Variants in LGSN observed in about 807,000 individuals in gnomAD.
LGSN encodes lengsin, lens protein with glutamine synthetase domain, also known as lengsin.
In LGSN, 21 loss-of-function variants were observed where a neutral mutation model predicts 19.5. The observed-to-expected ratio is 1.07, with a 90% confidence interval of 0.76 to 1.55. LGSN has a LOEUF of 1.55. Among genes scored for constraint, LGSN ranks in the 40% most tolerant of loss-of-function variants. The pLI is 0.00. For missense variants in LGSN, 673 were observed against 608.5 expected, an observed-to-expected ratio of 1.11 and a Z score of -1.12; for synonymous variants, 257 against 215.6, an observed-to-expected ratio of 1.19 and a Z score of -1.68.
the LGSN span, among the ~76,000 whole-genome samples, chr6:63,333,402 C>T: frequency 5.6e-4 from 83 of 149,538 alleles, no homozygotes; most frequent in Middle Eastern, 3.4e-3. Flanking sequence ...AAGCATTACC[C>T]TGGCACCAAA....
chr6:63,527,181 C>G, the LGSN span, among the ~76,000 whole-genome samples: 1 of 152,154 alleles, frequency 6.6e-6, no homozygotes, highest in Non-Finnish European at 1.5e-5. Flanking sequence ...TACAGTGAGT[C>G]TTCCTCAGAA....
At chr6:63,323,127 G>GAAGTCA (rs1340656841), upstream of LGSN, among the ~76,000 whole-genome samples, 792 of 152,304 alleles carry the variant, frequency 5.2e-3, no homozygotes, top group African/African-American at 0.017. Context: ...TTGTGAAAGT[G>GAAGTCA]GAAGCATGAA....
the LGSN span, among the ~76,000 whole-genome samples, chr6:63,546,657 GATCGTGCC>G: frequency 6.6e-6 from 1 of 151,884 alleles, no homozygotes; most frequent in Admixed American, 6.6e-5. Context: ...AGTGAGCTGA[GATCGTGCC>G]ATTGTACTCC....
chr6:63,299,090 C>A (rs150557839), intron 1 of LGSN, among the ~76,000 whole-genome samples: 1 of 152,116 alleles, frequency 6.6e-6, no homozygotes, highest in Non-Finnish European at 1.5e-5. Context: ...ATTATTTCCT[C>A]GCCTTATTAA....
the LGSN span, among the ~76,000 whole-genome samples, chr6:63,401,352 A>C: frequency 6.6e-6 from 1 of 152,014 alleles, no homozygotes; most frequent in East Asian, 1.9e-4. Flanking sequence ...GTAAGCCATG[A>C]GCATGCCACT....
the LGSN span, among the ~76,000 whole-genome samples, chr6:63,557,557 C>A: frequency 6.6e-6 from 1 of 152,044 alleles, no homozygotes; most frequent in Non-Finnish European, 1.5e-5. Flanking sequence ...CAGAGTGAAA[C>A]TCCATTTCAT....
chr6:63,463,276 C>T, the LGSN span, among the ~76,000 whole-genome samples: 3 of 152,086 alleles, frequency 2.0e-5, no homozygotes, highest in African/African-American at 7.2e-5. Context: ...GTATAAAGAA[C>T]TATCTAAGTA....
chr6:63,286,020 A>G (rs374692509), intron 2 of LGSN, among the ~76,000 whole-genome samples: 9 of 152,218 alleles, frequency 5.9e-5, no homozygotes, highest in South Asian at 2.1e-4. Context: ...TAGCGATATC[A>G]TACGTAGATA....
At chr6:63,405,333 G>T in the LGSN span, among the ~76,000 whole-genome samples, 2 of 152,232 alleles carry the variant, frequency 1.3e-5, no homozygotes, top group East Asian at 3.9e-4. Flanking sequence ...TAATGGGATG[G>T]CTGGGTCAAC....
chr6:63,546,661 G>A, the LGSN span, among the ~76,000 whole-genome samples: 14 of 151,842 alleles, frequency 9.2e-5, no homozygotes, highest in South Asian at 2.1e-4. Context: ...AGCTGAGATC[G>A]TGCCATTGTA....
the LGSN span, among the ~76,000 whole-genome samples, chr6:63,500,332 C>CTCTTG: frequency 6.6e-5 from 10 of 152,168 alleles, no homozygotes; most frequent in Non-Finnish European, 1.3e-4. Context: ...TGGTCAAGAG[C>CTCTTG]ACTGGCTTAA....
the LGSN span, among the ~76,000 whole-genome samples, chr6:63,456,680 G>C: frequency 6.6e-6 from 1 of 151,956 alleles, no homozygotes; most frequent in Non-Finnish European, 1.5e-5. Flanking sequence ...TTAGAGCTTG[G>C]GCTATGGGTC....
chr6:63,340,256 A>G, the LGSN span, among the ~76,000 whole-genome samples: 1 of 152,076 alleles, frequency 6.6e-6, no homozygotes, highest in African/African-American at 2.4e-5. Flanking sequence ...ACCTTTTGGG[A>G]TTAAATCTAT....
the LGSN span, among the ~76,000 whole-genome samples, chr6:63,521,560 C>A: frequency 6.6e-6 from 1 of 152,164 alleles, no homozygotes; most frequent in African/African-American, 2.4e-5. Context: ...ATTATACTAC[C>A]ATTAACCACC....
At chr6:63,323,662 C>A (rs187448672), upstream of LGSN, among the ~76,000 whole-genome samples, 422 of 147,102 alleles carry the variant, frequency 2.9e-3, 3 homozygotes, top group African/African-American at 1.0e-2. Flanking sequence ...GGGCATTGTA[C>A]ATATTAACAT....
chr6:63,513,163 A>T, the LGSN span, among the ~76,000 whole-genome samples: 1 of 152,178 alleles, frequency 6.6e-6, no homozygotes. Context: ...TCATTGTTCC[A>T]TAGCTGTCAT....
the LGSN span, among the ~76,000 whole-genome samples, chr6:63,454,617 G>T: frequency 6.6e-6 from 1 of 150,388 alleles, no homozygotes; most frequent in African/African-American, 2.4e-5. Flanking sequence ...GATTACAGGC[G>T]CCCGCCACCA....
chr6:63,469,684 A>T, the LGSN span, among the ~76,000 whole-genome samples: 1 of 152,220 alleles, frequency 6.6e-6, no homozygotes, highest in Non-Finnish European at 1.5e-5. Flanking sequence ...TTCCAAGCAT[A>T]AAACAATACT....
At chr6:63,365,907 C>T in the LGSN span, among the ~76,000 whole-genome samples, 1 of 152,192 alleles carries the variant, frequency 6.6e-6, no homozygotes, top group Non-Finnish European at 1.5e-5. Context: ...GCTAAAAACT[C>T]TCAATAAACT....
Sources: gnomAD v4.1 joint callset for allele counts (sites outside exome capture counted in the v4.1 genomes callset) on GRCh38, gnomAD v4.1.1 for gene constraint, MANE v1.5 for transcripts, NCBI Gene and HGNC (gene_info 2026-07-23, HGNC 2026-07-21) for gene names.